Variants in RUNX2 observed in about 807,000 individuals in gnomAD.
RUNX2 encodes RUNX family transcription factor 2.
RUNX2 carries 10 observed loss-of-function variants against 51.7 expected under a neutral mutation model. The ratio of observed to expected loss-of-function variants is 0.19; its 90% confidence interval spans 0.12 to 0.33. The LOEUF is 0.33. Among genes scored for constraint, RUNX2 ranks in the 10% least tolerant of loss-of-function variants. The pLI is 1.00. For missense variants in RUNX2, 562 were observed against 691.3 expected (o/e 0.81, Z 2.10); for synonymous variants, 276 against 273.6 (o/e 1.01, Z -0.09).
chr6:45,426,847 G>A (rs146800170), intron 3 of RUNX2, among the ~76,000 whole-genome samples: 3,027 of 152,046 alleles, frequency 0.02, 94 homozygotes, highest in African/African-American at 0.068. Context: ...TTCTCTCTTC[G>A]AAAACAAATA....
intron 5 of RUNX2, among the ~76,000 whole-genome samples, chr6:45,454,787 T>G (rs146541686): frequency 6.6e-6 from 1 of 152,282 alleles, no homozygotes; most frequent in Non-Finnish European, 1.5e-5. Context: ...GGTCAGTTCT[T>G]AGAATGGATT....
intron 2 of RUNX2, among the ~76,000 whole-genome samples, chr6:45,350,265 A>T (rs2024787): frequency 0.15 from 23,032 of 152,188 alleles, 1,986 homozygotes; most frequent in East Asian, 0.26. Context: ...CCACTTGGTA[A>T]TTGTGAATGA....
At chr6:45,527,235 T>A (rs903324867) in intron 7 of RUNX2, among the ~76,000 whole-genome samples, 1 of 151,834 alleles carries the variant, frequency 6.6e-6, no homozygotes, top group African/African-American at 2.4e-5. Context: ...GTTAGAGAGA[T>A]AGGCTGGGTC....
At chr6:45,493,982 A>G (rs187388188) in intron 6 of RUNX2, among the ~76,000 whole-genome samples, 114 of 152,346 alleles carry the variant, frequency 7.5e-4, no homozygotes, top group African/African-American at 2.5e-3. Flanking sequence ...GCGTGTTGCC[A>G]GATTCACTTA....
At chr6:45,432,555 A>G (rs1301297333) in intron 4 of RUNX2, among the ~76,000 whole-genome samples, 1 of 152,152 alleles carries the variant, frequency 6.6e-6, no homozygotes, top group African/African-American at 2.4e-5. Flanking sequence ...TGAATAATGT[A>G]TTACTTATGT....
intron 7 of RUNX2, among the ~76,000 whole-genome samples, chr6:45,527,638 G>A (rs1472003398): frequency 6.6e-6 from 1 of 152,164 alleles, no homozygotes; most frequent in African/African-American, 2.4e-5. Flanking sequence ...TAAGTGAAGT[G>A]GTAATTCAGG....
Position 45,493,659 on chromosome 6 carries a change from A to G in RUNX2, c.859+1545A>G, listed in dbSNP as rs192620813. On this transcript the variant is annotated intron_variant, in intron 6 of 8. Transcript: ENST00000647337. ...ACCCCCTAAATATATGTAAAAAAAA[A>G]AGTAGTAGACTTTAGATTATTCATT... is the stretch of plus-strand genomic sequence containing the variant. Among the ~76,000 whole-genome samples the G allele has an allele frequency of 6.6e-5, 10 of 152,210 alleles. No individual in the cohort carries two copies. The East Asian group carries it at 1.9e-3, about 29-fold the overall frequency.
At chr6:45,406,510 GTTCAAGCGA>G (rs370056957) in intron 2 of RUNX2, among the ~76,000 whole-genome samples, 2 of 152,168 alleles carry the variant, frequency 1.3e-5, no homozygotes, top group African/African-American at 4.8e-5. Context: ...TGCCTCCCAG[GTTCAAGCGA>G]TTCTTGTGCC....
At chr6:45,349,024 A>G (rs1791498116) in intron 2 of RUNX2, among the ~76,000 whole-genome samples, 1 of 152,190 alleles carries the variant, frequency 6.6e-6, no homozygotes, top group Admixed American at 6.5e-5. Flanking sequence ...TTATGAGTGG[A>G]AAGAGGTTTA....
intron 2 of RUNX2, among the ~76,000 whole-genome samples, chr6:45,393,513 T>G (rs1325583896): frequency 6.6e-6 from 1 of 152,050 alleles, no homozygotes; most frequent in Non-Finnish European, 1.5e-5. Context: ...CACTGCAACC[T>G]CTGCCTCCCA....
At chr6:45,367,714 C>T (rs974524257) in intron 2 of RUNX2, among the ~76,000 whole-genome samples, 2 of 152,142 alleles carry the variant, frequency 1.3e-5, no homozygotes, top group African/African-American at 4.8e-5. Flanking sequence ...ACAGACATGC[C>T]ATTCCATGGG....
chr6:45,398,768 C>T (rs1797634801), intron 2 of RUNX2, among the ~76,000 whole-genome samples: 1 of 152,182 alleles, frequency 6.6e-6, no homozygotes, highest in Non-Finnish European at 1.5e-5. Flanking sequence ...TTAATAAGTG[C>T]CATGTGGCAT....
intron 2 of RUNX2, among the ~76,000 whole-genome samples, chr6:45,387,851 GAC>G (rs1797384794): frequency 6.6e-6 from 1 of 152,178 alleles, no homozygotes. Flanking sequence ...GGATTAATTG[GAC>G]TTAGCCAGTT....
At chr6:45,439,942 A>C (rs1342917553) in intron 5 of RUNX2, among the ~76,000 whole-genome samples, 1 of 152,238 alleles carries the variant, frequency 6.6e-6, no homozygotes, top group Non-Finnish European at 1.5e-5. Context: ...TGCCTTGTAA[A>C]GGCAGAGAAG....
chr6:45,352,882 G>A lies in RUNX2; in HGVS notation c.58+24098G>A, dbSNP rs1039853634. 2.0e-5 allele frequency among the ~76,000 whole-genome samples: 3 copies of A among 151,880 alleles called. No homozygotes were observed. In the East Asian group the frequency reaches 5.8e-4, roughly 29 times the overall value. On this transcript the variant is annotated intron_variant, in intron 2 of 8. Transcript: ENST00000647337. ...ATATATCTATAAAAAAATTAAACTG[G>A]TCATTTATTTCCAGCTATGACTACC...
At chr6:45,371,721 C>T (rs1796096118) in intron 2 of RUNX2, among the ~76,000 whole-genome samples, 1 of 152,114 alleles carries the variant, frequency 6.6e-6, no homozygotes, top group South Asian at 2.1e-4. Flanking sequence ...ACTTTAAACA[C>T]TCAGTTAAGA....
chr6:45,478,237 A>G (rs1193071331), intron 5 of RUNX2, among the ~76,000 whole-genome samples: 2 of 152,182 alleles, frequency 1.3e-5, no homozygotes, highest in African/African-American at 4.8e-5. Flanking sequence ...TGATGCCTCC[A>G]GTATACCGTG....
intron 5 of RUNX2, among the ~76,000 whole-genome samples, chr6:45,458,186 C>T (rs1208806832): frequency 6.6e-6 from 1 of 152,114 alleles, no homozygotes; most frequent in Non-Finnish European, 1.5e-5. Flanking sequence ...GCCACCATGC[C>T]TGGCTAATTT....
chr6:45,493,386 C>T (rs971723381), intron 6 of RUNX2, among the ~76,000 whole-genome samples: 7 of 152,076 alleles, frequency 4.6e-5, no homozygotes, highest in Non-Finnish European at 8.8e-5. Flanking sequence ...GTTCACTAGA[C>T]ATATGTCCTT....
Sources: allele counts gnomAD v4.1 joint callset (sites outside exome capture counted in the v4.1 genomes callset), GRCh38; gene constraint gnomAD v4.1.1; transcripts MANE v1.5; gene names NCBI Gene and HGNC (gene_info 2026-07-23, HGNC 2026-07-21).